The following CD80 variants were observed in gnomAD, a reference collection of about 807,000 sequenced individuals.
The protein encoded by CD80 is CD80 molecule, also known as T-lymphocyte activation antigen CD80.
Under a neutral mutation model 27.1 loss-of-function variants are expected in CD80, and 13 were observed. That is an observed-to-expected ratio of 0.48 (90% confidence interval 0.31 to 0.76). The LOEUF (loss-of-function observed/expected upper bound fraction) is 0.76, where lower values mean the gene tolerates loss of function less well. CD80 is among the 30% of genes least tolerant of loss of function. The pLI is 0.04. For synonymous variants in CD80, 125 were observed against 125.5 expected, an observed-to-expected ratio of 1.00 and a Z score of 0.03; for missense variants, 277 against 347.9, an observed-to-expected ratio of 0.80 and a Z score of 1.62.
At chr3:119,548,857 A>T (rs2082214839) in intron 2 of CD80, among the ~76,000 whole-genome samples, 1 of 152,132 alleles carries the variant, frequency 6.6e-6, no homozygotes, top group Non-Finnish European at 1.5e-5. Context: ...CAACATGGTG[A>T]AACCCCATCT....
chr3:119,558,463 C>T (rs1442345276), intron 1 of CD80, among the ~76,000 whole-genome samples: 1 of 152,134 alleles, frequency 6.6e-6, no homozygotes, highest in African/African-American at 2.4e-5. Flanking sequence ...CGTTACTTAT[C>T]AAAATTATGT....
chr3:119,552,796 G>T (rs2082241314), intron 2 of CD80, among the ~76,000 whole-genome samples: 1 of 152,158 alleles, frequency 6.6e-6, no homozygotes, highest in African/African-American at 2.4e-5. Context: ...ATAATGCTCA[G>T]TGAAAGAAAA....
intron 4 of CD80, among the ~76,000 whole-genome samples, chr3:119,535,932 T>C (rs532368615): frequency 6.6e-6 from 1 of 152,298 alleles, no homozygotes; most frequent in East Asian, 1.9e-4. Context: ...TGGTTTTTAG[T>C]ATATATAAAT....
intron 2 of CD80, among the ~76,000 whole-genome samples, chr3:119,553,588 C>A (rs1360556281): frequency 6.6e-6 from 1 of 152,182 alleles, no homozygotes; most frequent in East Asian, 1.9e-4. Flanking sequence ...GTCTGCAGTG[C>A]CCCTCCCAGG....
In CD80 at chr3:119,541,903, C is replaced by G. The variant is rs1016785154; in HGVS notation, c.418+2647G>C. On this transcript the variant is annotated intron_variant, in intron 3 of 6. Transcript: ENST00000264246. ...GGTAATCTGCTAATAGGGCCTGCCCCCCTTGAAATGTTTCCTTTTCTCACT... is the reference window on the plus strand; with the variant it reads ...GGTAATCTGCTAATAGGGCCTGCCCGCCTTGAAATGTTTCCTTTTCTCACT... Among the ~76,000 whole-genome samples, 3 of 152,054 alleles carry G rather than the reference C, an allele frequency of 2.0e-5. No homozygotes were observed. The South Asian group carries it at 6.2e-4, about 32-fold the overall frequency.
intron 3 of CD80, among the ~76,000 whole-genome samples, chr3:119,543,072 C>A (rs2082179209): frequency 6.6e-6 from 1 of 152,210 alleles, no homozygotes; most frequent in Non-Finnish European, 1.5e-5. Context: ...AGCTCACTGG[C>A]TTCCCCCGAC....
rs572411450 is a variant in CD80, at chr3:119,524,951, T to C, written c.*837A>G. ...ACGATCTCATTTTAAATGAGAACTT[T>C]CTCATAAATATTTTACAAATGAGGT... On this transcript the variant is annotated 3_prime_UTR_variant, in exon 7 of 7. Coordinates refer to ENST00000264246, the MANE Select transcript of CD80 (RefSeq NM_005191.4). 1 of 152,344 alleles carries C rather than the reference T, an allele frequency of 6.6e-6. No homozygotes were observed. Among genetic ancestry groups the C allele is most frequent in the East Asian group, 1.9e-4 (1 of 5,190 alleles). 9.4% of individuals were successfully genotyped at this position (152,344 alleles called of 1,614,324 possible).
intron 4 of CD80, among the ~76,000 whole-genome samples, chr3:119,534,372 CAA>C (rs59153952): frequency 1.3e-4 from 13 of 97,936 alleles, no homozygotes; most frequent in Admixed American, 2.1e-4. Flanking sequence ...AACTCTGTCT[CAA>C]AAAAAAAAAA....
chr3:119,544,326 C>T lies in CD80; in HGVS notation c.418+224G>A, dbSNP rs114379538. ...CATTATAGTGCCCCAGGATGATTGT[C>T]ATGAACTTGGATTGTCAAAGAACAA... On this transcript the variant is annotated intron_variant, in intron 3 of 6. Coordinates refer to ENST00000264246, the MANE Select transcript of CD80 (RefSeq NM_005191.4). 2.7e-3 allele frequency: 1,510 copies of T among 562,362 alleles called. 18 individuals carry two copies. The highest frequency in any genetic ancestry group is 0.026 in the African/African-American group (1,367 of 53,330). The allele number at this position is 562,362 out of a possible 1,614,324, so 34.8% of individuals were successfully genotyped here.
At chr3:119,551,966 G>A (rs965242312) in intron 2 of CD80, among the ~76,000 whole-genome samples, 4 of 152,208 alleles carry the variant, frequency 2.6e-5, no homozygotes, top group East Asian at 1.9e-4. Flanking sequence ...GAAAGGAGGC[G>A]GAGAGAAGGC....
chr3:119,538,338 T>C (rs1428248452), intron 3 of CD80, among the ~76,000 whole-genome samples: 1 of 152,166 alleles, frequency 6.6e-6, no homozygotes, highest in Non-Finnish European at 1.5e-5. Context: ...ATGCTTGAAG[T>C]ACGCAAGTGG....
At chr3:119,549,302 A>G (rs1278246336) in intron 2 of CD80, among the ~76,000 whole-genome samples, 2 of 152,342 alleles carry the variant, frequency 1.3e-5, no homozygotes, top group South Asian at 4.1e-4. Flanking sequence ...CACATAGCCA[A>G]GAAATATCAG....
chr3:119,557,195 A>T (rs1391459451), intron 2 of CD80, among the ~76,000 whole-genome samples: 1 of 152,196 alleles, frequency 6.6e-6, no homozygotes, highest in Admixed American at 6.5e-5. Context: ...CCGCCTTCAG[A>T]TTGGAAAGAA....
At chr3:119,551,060 G>A (rs764180170) in intron 2 of CD80, among the ~76,000 whole-genome samples, 7 of 152,134 alleles carry the variant, frequency 4.6e-5, no homozygotes, top group Non-Finnish European at 1.0e-4. Context: ...ACATAATTAC[G>A]TATGGAGCTA....
intron 2 of CD80, among the ~76,000 whole-genome samples, chr3:119,555,974 C>A (rs571511896): frequency 6.6e-6 from 1 of 152,188 alleles, no homozygotes; most frequent in African/African-American, 2.4e-5. Flanking sequence ...TTCCTGCAGC[C>A]CAGTCTGTTA....
Sources: allele counts gnomAD v4.1 joint callset (sites outside exome capture counted in the v4.1 genomes callset), GRCh38; gene constraint gnomAD v4.1.1; transcripts MANE v1.5; gene names NCBI Gene and HGNC (gene_info 2026-07-23, HGNC 2026-07-21).